The following GABBR2 variants were observed in gnomAD, a reference collection of about 807,000 sequenced individuals.
GABBR2 encodes G-protein coupled receptor 51.
Under a neutral mutation model 105.6 loss-of-function variants are expected in GABBR2, and 23 were observed. The observed-to-expected ratio is 0.22, with a 90% CI of 0.16 to 0.31. The LOEUF is 0.31. Among genes scored for constraint, GABBR2 ranks in the 10% least tolerant of loss-of-function variants. The pLI is 1.00. For synonymous variants in GABBR2, 478 were observed against 499.7 expected, an observed-to-expected ratio of 0.96 and a Z score of 0.58; for missense variants, 734 against 1,245.5, an observed-to-expected ratio of 0.59 and a Z score of 6.18.
At chr9:98,455,573 G>C (rs531626245) in intron 6 of GABBR2, among the ~76,000 whole-genome samples, 183 of 152,338 alleles carry the variant, frequency 1.2e-3, no homozygotes, top group Non-Finnish European at 1.9e-3. Flanking sequence ...GTGGAGGGAG[G>C]GGGGGCGCGG....
intron 11 of GABBR2, among the ~76,000 whole-genome samples, chr9:98,375,620 GA>G: frequency 6.6e-6 from 1 of 152,352 alleles, no homozygotes. Flanking sequence ...AGACCACAGA[GA>G]GAACTGGAGC....
chr9:98,323,617 G>T (rs1216877254), intron 13 of GABBR2, among the ~76,000 whole-genome samples: 1 of 152,336 alleles, frequency 6.6e-6, no homozygotes, highest in South Asian at 2.1e-4. Flanking sequence ...TGCCCAAGCT[G>T]TCCAGCTCCA....
At chr9:98,292,907 A>C (rs1023025242) in intron 18 of GABBR2, among the ~76,000 whole-genome samples, 11 of 152,214 alleles carry the variant, frequency 7.2e-5, no homozygotes, top group African/African-American at 2.7e-4. Flanking sequence ...CTTACACTCT[A>C]CTGGAGGCAA....
intron 1 of GABBR2, among the ~76,000 whole-genome samples, chr9:98,688,979 A>G (rs1276385607): frequency 6.6e-6 from 1 of 152,206 alleles, no homozygotes; most frequent in Non-Finnish European, 1.5e-5. Flanking sequence ...CACGTTCAGG[A>G]CAGATAAGCC....
chr9:98,594,635 C>T (rs1829205268), intron 1 of GABBR2, among the ~76,000 whole-genome samples: 1 of 152,182 alleles, frequency 6.6e-6, no homozygotes, highest in African/African-American at 2.4e-5. Context: ...CAGGACCCCT[C>T]AACAAGATGG....
chr9:98,636,652 G>A (rs565174907), intron 1 of GABBR2, among the ~76,000 whole-genome samples: 16 of 151,878 alleles, frequency 1.1e-4, no homozygotes, highest in African/African-American at 3.9e-4. Flanking sequence ...TGCTGCCATA[G>A]CTGGCTAATT....
At chr9:98,483,645 C>G (rs1024060342) in intron 4 of GABBR2, among the ~76,000 whole-genome samples, 1 of 152,186 alleles carries the variant, frequency 6.6e-6, no homozygotes, top group Admixed American at 6.5e-5. Context: ...CATATTCCCA[C>G]TTCGCCCCCC....
intron 18 of GABBR2, among the ~76,000 whole-genome samples, chr9:98,293,053 T>G (rs1830326060): frequency 6.6e-6 from 1 of 152,180 alleles, no homozygotes; most frequent in Admixed American, 6.5e-5. Flanking sequence ...GATGCTGCAA[T>G]TGGTGATTTG....
At chr9:98,397,202 A>T (rs764010831) in intron 8 of GABBR2, among the ~76,000 whole-genome samples, 17 of 152,190 alleles carry the variant, frequency 1.1e-4, no homozygotes, top group Non-Finnish European at 2.5e-4. Context: ...GTATTTCATG[A>T]TAAAGCATCT....
At chr9:98,628,867 C>T (rs1829780317) in intron 1 of GABBR2, among the ~76,000 whole-genome samples, 1 of 152,204 alleles carries the variant, frequency 6.6e-6, no homozygotes, top group African/African-American at 2.4e-5. Flanking sequence ...CACGTGCAAA[C>T]ATGCACGCGC....
At chr9:98,613,764 G>A (rs539443457) in intron 1 of GABBR2, among the ~76,000 whole-genome samples, 24 of 152,302 alleles carry the variant, frequency 1.6e-4, no homozygotes, top group African/African-American at 5.5e-4. Context: ...TATTAAGAGC[G>A]TTGACCATCC....
At chr9:98,327,309 C>T (rs1446044733) in intron 13 of GABBR2, among the ~76,000 whole-genome samples, 8 of 152,150 alleles carry the variant, frequency 5.3e-5, no homozygotes, top group Non-Finnish European at 7.3e-5. Context: ...TTTATCCTCT[C>T]GACTGCTGGT....
chr9:98,602,216 G>A (rs1443665521), intron 1 of GABBR2, among the ~76,000 whole-genome samples: 1 of 150,964 alleles, frequency 6.6e-6, no homozygotes, highest in Non-Finnish European at 1.5e-5. Context: ...GCTCACGCTT[G>A]TAATCCCAGC....
In GABBR2 at chr9:98,489,345, T is replaced by C. The variant is rs565150693; in HGVS notation, c.732+7068A>G. On this transcript the variant is annotated intron_variant, in intron 4 of 18. Transcript: ENST00000259455. ...ATGGAGAGAGAGAAGAGGAGCCCTCTGGAAAGAGGTGGCTGCTGGCACAGC... is the reference window on the plus strand; with the variant it reads ...ATGGAGAGAGAGAAGAGGAGCCCTCCGGAAAGAGGTGGCTGCTGGCACAGC... Among the ~76,000 whole-genome samples the C allele has an allele frequency of 2.9e-3, 437 of 152,304 alleles. 1 individual carries two copies. The highest frequency in any genetic ancestry group is 4.6e-3 in the Admixed American group (71 of 15,298).
At chr9:98,463,210 C>G (rs1393937035) in intron 6 of GABBR2, among the ~76,000 whole-genome samples, 1 of 152,136 alleles carries the variant, frequency 6.6e-6, no homozygotes, top group Admixed American at 6.5e-5. Context: ...TAATTCTACA[C>G]AGAAAACTAT....
rs891430671 is a variant in GABBR2, at chr9:98,420,472, G to A, written c.1237-14331C>T. 1.1e-4 allele frequency among the ~76,000 whole-genome samples: 9 copies of A among 78,956 alleles called. No homozygotes were observed. The East Asian group carries it at 1.5e-3, about 13-fold the overall frequency. 51.8% of individuals were successfully genotyped at this position (78,956 alleles called of 152,430 possible). On this transcript the variant is annotated intron_variant, in intron 7 of 18. Coordinates refer to ENST00000259455, the MANE Select transcript of GABBR2 (RefSeq NM_005458.8). ...GGGTTCATGCAAAGAGTGTGTGGCCGGGAATTTACACTTTTTTTGTTGAGT... is the reference window on the plus strand; with the variant it reads ...GGGTTCATGCAAAGAGTGTGTGGCCAGGAATTTACACTTTTTTTGTTGAGT...
rs768800786 is a variant in GABBR2, at chr9:98,578,086, C to T, written c.322-14G>A. 2.4e-5 allele frequency: 38 copies of T among 1,612,990 alleles called. No homozygotes were observed. The Admixed American group carries it at 6.2e-4, about 26-fold the overall frequency. On this transcript the variant is annotated splice_polypyrimidine_tract_variant and intron_variant, in intron 1 of 18. Transcript: ENST00000259455. ...TGCGTTGTCGCACTGGGAAGCAACA[C>T]ATAGAAAGAAAGGTCCAAATTAGAA...
At chr9:98,588,654 C>T (rs930270165) in intron 1 of GABBR2, among the ~76,000 whole-genome samples, 7 of 152,180 alleles carry the variant, frequency 4.6e-5, no homozygotes, top group African/African-American at 7.2e-5. Flanking sequence ...GGAGTCAAAC[C>T]CATGGAGTCA....
intron 13 of GABBR2, among the ~76,000 whole-genome samples, chr9:98,341,209 C>A (rs78415190): frequency 6.6e-6 from 1 of 152,206 alleles, no homozygotes. Context: ...AGAATCGCGG[C>A]GGTGGCTGGC....
Sources: gnomAD v4.1 joint callset for allele counts (sites outside exome capture counted in the v4.1 genomes callset) on GRCh38, gnomAD v4.1.1 for gene constraint, MANE v1.5 for transcripts, NCBI Gene and HGNC (gene_info 2026-07-23, HGNC 2026-07-21) for gene names.